The following CFAP221 variants were observed in gnomAD, a reference collection of about 807,000 sequenced individuals.
The protein encoded by CFAP221 is cilia- and flagella-associated protein 221.
A neutral mutation model predicts 113.1 loss-of-function variants in CFAP221; 97 were observed. The ratio of observed to expected loss-of-function variants is 0.86; its 90% confidence interval spans 0.73 to 1.02. The LOEUF is 1.02. Among genes scored for constraint, CFAP221 ranks in the 50% least tolerant of loss-of-function variants. CFAP221 has a pLI of 0.00. For missense variants in CFAP221, 1,025 were observed against 1,013.4 expected, an observed-to-expected ratio of 1.01 and a Z score of -0.16; for synonymous variants, 331 against 354.4, an observed-to-expected ratio of 0.93 and a Z score of 0.74.
chr2:119,660,301 AAAT>A (rs1688562294), downstream of CFAP221: 1 of 152,236 alleles, frequency 6.6e-6, no homozygotes. Flanking sequence ...ATCGACTTCC[AAAT>A]AATATTTATC....
intron 22 of CFAP221, among the ~76,000 whole-genome samples, chr2:119,648,938 A>G (rs1687968135): frequency 6.6e-6 from 1 of 152,248 alleles, no homozygotes; most frequent in Admixed American, 6.5e-5. Context: ...CAAAGCGCCC[A>G]GCCCTGTGCC....
intron 6 of CFAP221, chr2:119,586,700 G>A (rs1266265811): frequency 6.5e-6 from 1 of 153,738 alleles, no homozygotes; most frequent in African/African-American, 2.4e-5. Context: ...GGTTCGGTGA[G>A]GCCGAGCTCT....
intron 3 of CFAP221, among the ~76,000 whole-genome samples, chr2:119,559,279 C>G (rs1414970763): frequency 6.6e-6 from 1 of 152,116 alleles, no homozygotes; most frequent in African/African-American, 2.4e-5. Flanking sequence ...TCCTCTGGGC[C>G]CCTAAACCAG....
intron 19 of CFAP221, among the ~76,000 whole-genome samples, chr2:119,633,594 C>A (rs1686924386): frequency 1.3e-5 from 2 of 150,160 alleles, no homozygotes; most frequent in African/African-American, 2.4e-5. Context: ...GGAGTTAATA[C>A]CAAAATATAT....
intron 6 of CFAP221, among the ~76,000 whole-genome samples, chr2:119,583,786 T>C (rs1399275773): frequency 6.6e-6 from 1 of 152,180 alleles, no homozygotes; most frequent in Admixed American, 6.5e-5. Flanking sequence ...ACAGGATTAG[T>C]GTCCTTATAA....
chr2:119,638,237 A>AT, intron 19 of CFAP221, 22 bp from the exon 20 acceptor site: 5 of 1,613,216 alleles, frequency 3.1e-6, no homozygotes, highest in Non-Finnish European at 4.2e-6. Context: ...AGAAAAGAAT[A>AT]TTTTTTCCCT....
chr2:119,651,502 A>G (rs1231565257), intron 22 of CFAP221, among the ~76,000 whole-genome samples: 7 of 151,252 alleles, frequency 4.6e-5, no homozygotes, highest in Non-Finnish European at 1.0e-4. Context: ...CGAAAAAAAA[A>G]AAAAAACTAG....
At chr2:119,547,701 T>C (rs1049471881) in intron 2 of CFAP221, among the ~76,000 whole-genome samples, 2 of 152,184 alleles carry the variant, frequency 1.3e-5, no homozygotes, top group Admixed American at 6.5e-5. Flanking sequence ...CCTTAACCCA[T>C]TGTAGCTGTT....
rs10689517 is a variant in CFAP221, at chr2:119,611,420, C to CAAA, written c.1222-215_1222-213dup. Among the ~76,000 whole-genome samples, 1,015 of 112,716 alleles carry CAAA rather than the reference C, an allele frequency of 9.0e-3. 86 individuals carry two copies. Among genetic ancestry groups the CAAA allele is most frequent in the East Asian group, 0.014 (57 of 4,050 alleles). The allele number at this position is 112,716 out of a possible 152,430, so 73.9% of individuals were successfully genotyped here. A position where few individuals can be genotyped will look rare whatever the true frequency, so the allele number is the denominator to read the frequency against. ...CCTGGGTGACAGAGCGAGACAACGT[C>CAAA]AAAAAAAAAAAAAAAAAAAAGGAGG... On this transcript the variant is annotated intron_variant, in intron 12 of 23. Coordinates refer to ENST00000413369, the MANE Select transcript of CFAP221 (RefSeq NM_001271049.2).
At chr2:119,569,829 C>G (rs1325348078) in intron 6 of CFAP221, among the ~76,000 whole-genome samples, 2 of 152,156 alleles carry the variant, frequency 1.3e-5, no homozygotes. Flanking sequence ...TGTTTTTGAT[C>G]ACTAGAATTT....
chr2:119,601,499 A>G lies in CFAP221; in HGVS notation c.791+122A>G, dbSNP rs534998623. ...CATCAAAAACTTATTTAAAATGATGAGCCAACATAAGATATACTGTAAAAC... is the reference window on the plus strand; with the variant it reads ...CATCAAAAACTTATTTAAAATGATGGGCCAACATAAGATATACTGTAAAAC... On this transcript the variant is annotated intron_variant, in intron 8 of 23. Transcript: ENST00000413369. 225 of 911,368 alleles carry G rather than the reference A, an allele frequency of 2.5e-4. 2 individuals carry two copies. In the South Asian group the frequency reaches 4.4e-3, roughly 18 times the overall value. 56.5% of individuals were successfully genotyped at this position (911,368 alleles called of 1,614,324 possible). A position where few individuals can be genotyped will look rare whatever the true frequency, so the allele number is the denominator to read the frequency against.
chr2:119,562,038 A>C lies in CFAP221; in HGVS notation c.451A>C (p.Ile151Leu). Residue 151 changes from isoleucine to leucine, a missense_variant, in exon 6 of 24, where the codon ATT (isoleucine) becomes CTT (leucine). Coordinates refer to ENST00000413369, the MANE Select transcript of CFAP221 (RefSeq NM_001271049.2). The part of the protein sequence containing the change: ...CKGDDTLLVP[I>L]HAYPVMNSLD... ...GGGAGATGACACTTTGCTTGTTCCT[A>C]TTCATGCCTATCCAGTCATGAACTC... is the stretch of plus-strand genomic sequence containing the variant. 1 of 1,534,920 alleles carries C rather than the reference A, an allele frequency of 6.5e-7. No homozygotes were observed.
intron 8 of CFAP221, chr2:119,602,875 T>A: frequency 2.9e-6 from 2 of 701,028 alleles, no homozygotes; most frequent in Non-Finnish European, 3.5e-6. Flanking sequence ...ATGGCTGTGC[T>A]TTTACATGCA....
chr2:119,638,204 G>A, intron 19 of CFAP221, 55 bp from the exon 20 acceptor site: 2 of 1,580,156 alleles, frequency 1.3e-6, no homozygotes, highest in Non-Finnish European at 1.7e-6. Context: ...CCTGTCCTAT[G>A]CCTGGCTTAG....
At position 119,605,221 on chromosome 2, in the gene CFAP221, G is replaced by C. The variant is rs974449771; in HGVS notation, c.1065G>C (p.Met355Ile). 37 of 1,614,108 alleles carry C rather than the reference G, an allele frequency of 2.3e-5. No individual in the cohort carries two copies. The highest frequency in any genetic ancestry group is 3.1e-5 in the Non-Finnish European group (37 of 1,180,046). Residue 355 changes from methionine to isoleucine, a missense_variant, in exon 11 of 24, where the codon ATG becomes ATC. Met to Ile is a conservative substitution (Grantham distance 10). Transcript: ENST00000413369. Reference protein sequence around the residue: ...QGTEISKTRQMKEALFEQKVR... With the variant: ...QGTEISKTRQIKEALFEQKVR... ...CTGAAATTTCAAAAACGAGACAGAT[G>C]AAGGAGGCACTCTTTGAACAGAAAG...
chr2:119,597,965 T>C (rs1012454861), intron 7 of CFAP221, among the ~76,000 whole-genome samples: 1 of 151,814 alleles, frequency 6.6e-6, no homozygotes, highest in African/African-American at 2.4e-5. Flanking sequence ...GTGTGGAGAG[T>C]TGGGGTTTTC....
chr2:119,657,694 G>A (rs375273863), downstream of CFAP221, among the ~76,000 whole-genome samples: 10 of 152,278 alleles, frequency 6.6e-5, 1 homozygote, highest in Middle Eastern at 0.01. Context: ...TCCACACTGC[G>A]ATTGGTCAAC....
chr2:119,601,796 G>A (rs1684385931), intron 8 of CFAP221, among the ~76,000 whole-genome samples: 1 of 152,192 alleles, frequency 6.6e-6, no homozygotes, highest in South Asian at 2.1e-4. Flanking sequence ...AAAGCTCAGT[G>A]GGAAATGGCC....
At chr2:119,659,416 G>A (rs1184651804), downstream of CFAP221, among the ~76,000 whole-genome samples, 1 of 152,146 alleles carries the variant, frequency 6.6e-6, no homozygotes, top group Admixed American at 6.5e-5. Context: ...TCCCCTACAC[G>A]CTAGTTGGGT....
Sources: gnomAD v4.1 joint callset for allele counts (sites outside exome capture counted in the v4.1 genomes callset) on GRCh38, gnomAD v4.1.1 for gene constraint, MANE v1.5 for transcripts, NCBI Gene and HGNC (gene_info 2026-07-23, HGNC 2026-07-21) for gene names.